The following MYO5B variants were observed in gnomAD, a reference collection of about 807,000 sequenced individuals.
MYO5B encodes the protein myosin VB.
A neutral mutation model predicts 229.3 loss-of-function variants in MYO5B; 143 were observed. The observed-to-expected ratio is 0.62, with a 90% CI of 0.54 to 0.72. The LOEUF is 0.72. Ranked by LOEUF, MYO5B falls within the 30% of genes least tolerant of loss-of-function variation. The probability of loss-of-function intolerance (pLI) is 0.00; values close to 1 mark genes in which losing one functional copy is unlikely to be tolerated. For synonymous variants in MYO5B, 918 were observed against 885.2 expected (o/e 1.04, Z -0.66); for missense variants, 2,321 against 2,331.0 (o/e 1.00, Z 0.09).
intron 21 of MYO5B, 41 bp from the exon 22 acceptor site, chr18:49,895,215 T>C (rs1488259109): frequency 6.5e-6 from 10 of 1,533,852 alleles, no homozygotes; most frequent in Non-Finnish European, 8.1e-6. Context: ...GGAGAAGAAG[T>C]GGGGGAAGAA....
intron 24 of MYO5B, among the ~76,000 whole-genome samples, chr18:49,878,523 A>T (rs2024551648): frequency 6.6e-6 from 1 of 152,130 alleles, no homozygotes; most frequent in Non-Finnish European, 1.5e-5. Context: ...GACAGATCCT[A>T]AAATATCATA....
chr18:50,122,574 G>C (rs909382197), intron 1 of MYO5B, among the ~76,000 whole-genome samples: 2 of 126,046 alleles, frequency 1.6e-5, no homozygotes, highest in African/African-American at 2.9e-5. Flanking sequence ...GCCTGGGGGA[G>C]AGGGAGAGAG....
In MYO5B at chr18:49,909,256, G is replaced by A. The variant is rs546758793; in HGVS notation, c.2203-2626C>T. On this transcript the variant is annotated intron_variant, in intron 18 of 39. Coordinates refer to ENST00000285039, the MANE Select transcript of MYO5B (RefSeq NM_001080467.3). ...AGAAGAGGAGAAAAATAAAAAGGAG[G>A]AAATAGAAGACCCCAGGGAAATCTT... Among the ~76,000 whole-genome samples, 33 of 152,286 alleles carry A rather than the reference G, an allele frequency of 2.2e-4. 1 individual carries two copies. In the South Asian group the frequency reaches 2.3e-3, roughly 11 times the overall value.
intron 22 of MYO5B, among the ~76,000 whole-genome samples, chr18:49,892,184 G>T (rs2024723159): frequency 6.6e-6 from 1 of 152,250 alleles, no homozygotes; most frequent in African/African-American, 2.4e-5. Context: ...CAAAAAGAAC[G>T]AAATGTACAC....
At chr18:49,873,474 C>T (rs1185135202) in intron 26 of MYO5B, among the ~76,000 whole-genome samples, 3 of 152,176 alleles carry the variant, frequency 2.0e-5, no homozygotes, top group South Asian at 2.1e-4. Flanking sequence ...CTACAGTTAC[C>T]GCACTGTTTC....
intron 1 of MYO5B, among the ~76,000 whole-genome samples, chr18:50,123,152 T>A (rs2032098861): frequency 6.6e-6 from 1 of 152,134 alleles, no homozygotes; most frequent in Non-Finnish European, 1.5e-5. Context: ...CAGGTGAACC[T>A]CAAAAATATG....
intron 1 of MYO5B, among the ~76,000 whole-genome samples, chr18:50,083,890 T>G (rs918473041): frequency 5.9e-5 from 9 of 152,154 alleles, no homozygotes; most frequent in African/African-American, 2.2e-4. Flanking sequence ...TGCAGTTAAA[T>G]GCAAATTACA....
At chr18:49,896,751 C>T (rs2024783696) in intron 21 of MYO5B, among the ~76,000 whole-genome samples, 1 of 152,156 alleles carries the variant, frequency 6.6e-6, no homozygotes, top group South Asian at 2.1e-4. Flanking sequence ...ATCCAGGAGG[C>T]CCAGCTGCAT....
chr18:50,157,838 T>C (rs1224981685), intron 1 of MYO5B, among the ~76,000 whole-genome samples: 1 of 152,188 alleles, frequency 6.6e-6, no homozygotes, highest in Non-Finnish European at 1.5e-5. Context: ...TGTTTACAAA[T>C]GCCTACCCAA....
chr18:49,980,580 A>G, intron 8 of MYO5B, 27 bp from the exon 9 acceptor site: 5 of 1,461,764 alleles, frequency 3.4e-6, no homozygotes, highest in Non-Finnish European at 4.8e-6. Context: ...AATGGATGAC[A>G]CTCAGTATCC....
chr18:49,895,558 TC>T (rs11298436), intron 21 of MYO5B, among the ~76,000 whole-genome samples: 19,070 of 152,154 alleles, frequency 0.13, 1,538 homozygotes, highest in African/African-American at 0.23. Flanking sequence ...GTTTCTTTGC[TC>T]TTTCATACAG....
chr18:50,035,447 G>A (rs2026438078), intron 4 of MYO5B, among the ~76,000 whole-genome samples: 2 of 152,080 alleles, frequency 1.3e-5, no homozygotes, highest in Admixed American at 1.3e-4. Context: ...CACATGAAGT[G>A]CATGTAGACT....
intron 2 of MYO5B, among the ~76,000 whole-genome samples, chr18:50,041,898 C>A (rs2030026827): frequency 6.6e-6 from 1 of 152,042 alleles, no homozygotes; most frequent in African/African-American, 2.4e-5. Context: ...TCTTAATATA[C>A]AAAGAGTTAT....
chr18:49,884,336 C>A (rs1224768043), intron 22 of MYO5B, among the ~76,000 whole-genome samples: 1 of 152,060 alleles, frequency 6.6e-6, no homozygotes, highest in Non-Finnish European at 1.5e-5. Context: ...ATGATTCAAG[C>A]ACTTTATATT....
intron 10 of MYO5B, among the ~76,000 whole-genome samples, chr18:49,967,367 T>A (rs567898362): frequency 6.6e-6 from 1 of 152,204 alleles, no homozygotes; most frequent in Non-Finnish European, 1.5e-5. Context: ...TCTCACTCCA[T>A]GACCTGGAGA....
chr18:49,975,691 G>C (rs1450815122), intron 9 of MYO5B, among the ~76,000 whole-genome samples: 1 of 152,162 alleles, frequency 6.6e-6, no homozygotes, highest in Non-Finnish European at 1.5e-5. Context: ...GAGCTGGAAA[G>C]AAACTGGAAT....
intron 1 of MYO5B, among the ~76,000 whole-genome samples, chr18:50,176,937 G>A (rs1190688390): frequency 2.6e-5 from 4 of 152,102 alleles, no homozygotes; most frequent in Admixed American, 6.5e-5. Flanking sequence ...ATCTGAAGTC[G>A]TCTTAAACTA....
At chr18:49,888,809 T>C (rs1245196978) in intron 22 of MYO5B, among the ~76,000 whole-genome samples, 1 of 152,228 alleles carries the variant, frequency 6.6e-6, no homozygotes, top group Non-Finnish European at 1.5e-5. Context: ...TTTCTTCTCA[T>C]TATTAGCTCT....
At chr18:50,107,168 GGAGTA>G (rs1416394018) in intron 1 of MYO5B, among the ~76,000 whole-genome samples, 5 of 126,598 alleles carry the variant, frequency 3.9e-5, no homozygotes, top group Non-Finnish European at 7.9e-5. Context: ...CACCCAGGTT[GGAGTA>G]GAGTGGCACG....
Sources: allele counts gnomAD v4.1 joint callset (sites outside exome capture counted in the v4.1 genomes callset), GRCh38; gene constraint gnomAD v4.1.1; transcripts MANE v1.5; gene names NCBI Gene and HGNC (gene_info 2026-07-23, HGNC 2026-07-21).